The following PCDHA8 variants were observed in gnomAD, a reference collection of about 807,000 sequenced individuals.
The protein encoded by PCDHA8 is protocadherin alpha 8.
PCDHA8 carries 53 observed loss-of-function variants against 61.8 expected under a neutral mutation model. The observed-to-expected ratio is 0.86, with a 90% CI of 0.69 to 1.08. The LOEUF (loss-of-function observed/expected upper bound fraction) is 1.08. PCDHA8 is among the 50% of genes least tolerant of loss of function. PCDHA8 has a pLI of 0.00. For synonymous variants in PCDHA8, 618 were observed against 556.6 expected, an observed-to-expected ratio of 1.11 and a Z score of -1.55; for missense variants, 1,293 against 1,245.0, an observed-to-expected ratio of 1.04 and a Z score of -0.58.
At chr5:140,913,862 T>G (rs1554196081) in intron 1 of PCDHA8, among the ~76,000 whole-genome samples, 1 of 152,218 alleles carries the variant, frequency 6.6e-6, no homozygotes, top group African/African-American at 2.4e-5. Flanking sequence ...GCATATTGTT[T>G]AATTTCCATG....
intron 3 of PCDHA8, among the ~76,000 whole-genome samples, chr5:141,006,584 GA>G (rs1353712503): frequency 6.6e-6 from 1 of 152,126 alleles, no homozygotes; most frequent in Non-Finnish European, 1.5e-5. Context: ...GAGGGTTGGA[GA>G]GAAGCAAAAG....
intron 1 of PCDHA8, chr5:140,966,173 A>C (rs2095976741): frequency 5.4e-6 from 1 of 184,728 alleles, no homozygotes; most frequent in Admixed American, 6.2e-5. Context: ...TTTCCTGGGG[A>C]GCTGATAGCC....
At chr5:140,997,615 T>C (rs900460811) in intron 3 of PCDHA8, among the ~76,000 whole-genome samples, 5 of 152,096 alleles carry the variant, frequency 3.3e-5, no homozygotes, top group Non-Finnish European at 7.3e-5. Context: ...CATGACTATA[T>C]AGAGATTTTC....
rs35252606 is a variant in PCDHA8, at chr5:140,912,343, ATT to A, written c.2395-66592_2395-66591del. The stretch of plus-strand genomic sequence containing the variant: ...CTCAGTATTAACCAGTACACTAAGT[ATT>A]TTTTTTTTTTTTTGCAGCTGTTGTA... On this transcript the variant is annotated intron_variant, in intron 1 of 3. Transcript: ENST00000531613. 3.7e-3 allele frequency among the ~76,000 whole-genome samples: 528 copies of A among 143,760 alleles called. 4 individuals are homozygous for A. The highest frequency in any genetic ancestry group is 8.3e-3 in the East Asian group (41 of 4,940). 94.3% of individuals were successfully genotyped at this position (143,760 alleles called of 152,430 possible).
chr5:140,897,409 A>G (rs945260120), intron 1 of PCDHA8, among the ~76,000 whole-genome samples: 16 of 140,532 alleles, frequency 1.1e-4, no homozygotes, highest in Non-Finnish European at 1.7e-4. Flanking sequence ...TCATTGTTCA[A>G]TTCCCATCTA....
intron 1 of PCDHA8, among the ~76,000 whole-genome samples, chr5:140,921,264 T>C (rs2080129104): frequency 6.6e-6 from 1 of 152,210 alleles, no homozygotes; most frequent in Non-Finnish European, 1.5e-5. Flanking sequence ...CCTAGACTTT[T>C]ATACTTACTT....
chr5:140,962,008 C>T (rs1363169601), intron 1 of PCDHA8, among the ~76,000 whole-genome samples: 5 of 152,088 alleles, frequency 3.3e-5, no homozygotes, highest in South Asian at 2.1e-4. Context: ...CTCAGCTTCC[C>T]GAGTAGCTGG....
At chr5:140,895,897 C>T (rs994708254) in intron 1 of PCDHA8, among the ~76,000 whole-genome samples, 25 of 152,240 alleles carry the variant, frequency 1.6e-4, no homozygotes, top group African/African-American at 5.3e-4. Flanking sequence ...CTGCAACCTC[C>T]GCGTCCCGGG....
intron 1 of PCDHA8, chr5:140,860,447 A>T (rs1242809569): frequency 6.6e-6 from 1 of 152,198 alleles, no homozygotes; most frequent in East Asian, 1.9e-4. Context: ...TTTCATATTA[A>T]TTCACGTGAT....
chr5:140,895,515 G>A (rs2065042106), intron 1 of PCDHA8, among the ~76,000 whole-genome samples: 1 of 151,948 alleles, frequency 6.6e-6, no homozygotes, highest in Non-Finnish European at 1.5e-5. Flanking sequence ...ATTTTTAATT[G>A]GTTTATTCGT....
intron 1 of PCDHA8, among the ~76,000 whole-genome samples, chr5:140,913,572 TCAAA>T (rs150264547): frequency 6.6e-6 from 1 of 152,264 alleles, no homozygotes; most frequent in East Asian, 1.9e-4. Context: ...TTTCATCATT[TCAAA>T]TATATTTCTG....
At chr5:140,846,500 A>G (rs1234725783) in intron 1 of PCDHA8, among the ~76,000 whole-genome samples, 2 of 143,700 alleles carry the variant, frequency 1.4e-5, no homozygotes, top group African/African-American at 2.6e-5. Flanking sequence ...TCAGCCTCCC[A>G]AGTAGCTGGG....
rs545473160 is a variant in PCDHA8 at position 140,873,172 on chromosome 5, G to C, written c.2394+29457G>C. ...CATAGACTTTAGATCGAGAGCTTTT[G>C]TATCATAATATTCATTGGCTAAAAA... On this transcript the variant is annotated intron_variant, in intron 1 of 3. Transcript: ENST00000531613. 2.6e-5 allele frequency among the ~76,000 whole-genome samples: 4 copies of C among 152,084 alleles called. No individual in the cohort carries two copies. In the South Asian group the frequency reaches 8.3e-4, roughly 32 times the overall value.
chr5:140,994,417 T>C (rs1401833924), intron 3 of PCDHA8, among the ~76,000 whole-genome samples: 1 of 152,078 alleles, frequency 6.6e-6, no homozygotes, highest in East Asian at 1.9e-4. Context: ...ATACTGGATA[T>C]TGAGGCCGGG....
chr5:140,914,318 T>C (rs2076678777), intron 1 of PCDHA8, among the ~76,000 whole-genome samples: 6 of 152,216 alleles, frequency 3.9e-5, no homozygotes, highest in Admixed American at 3.9e-4. Flanking sequence ...CCCATTATCA[T>C]TGTACAAAGA....
intron 1 of PCDHA8, chr5:140,863,121 G>C (rs1554157790): frequency 1.7e-6 from 1 of 592,122 alleles, no homozygotes; most frequent in South Asian, 1.4e-5. Flanking sequence ...CGAAAGCTAC[G>C]CGCCACCGCC....
In PCDHA8 at chr5:140,926,298, C is replaced by G. The variant is rs1337047837; in HGVS notation, c.2395-52651C>G. 3.3e-5 allele frequency: 5 copies of G among 152,328 alleles called. No homozygotes were observed. In the East Asian group the frequency reaches 5.8e-4, roughly 18 times the overall value. The allele number at this position is 152,328 out of a possible 1,614,324, so 9.4% of individuals were successfully genotyped here. Reference sequence around the variant, plus strand: ...TCGGCAGCTCCACGCTGAGTCCCGCCCTCTCCGCCGGAGAGGTGCGCCGGG... The same window carrying G: ...TCGGCAGCTCCACGCTGAGTCCCGCGCTCTCCGCCGGAGAGGTGCGCCGGG... On this transcript the variant is annotated intron_variant, in intron 1 of 3. Coordinates refer to ENST00000531613, the MANE Select transcript of PCDHA8 (RefSeq NM_018911.3).
chr5:140,843,143 T>A lies in PCDHA8; in HGVS notation c.1822T>A (p.Ser608Thr). 6.3e-7 allele frequency: 1 copy of A among 1,595,956 alleles called. No homozygotes were observed. Among genetic ancestry groups the A allele is most frequent in the Non-Finnish European group, 8.6e-7 (1 of 1,165,538 alleles). ...DADSGYNAWL[S>T]YELQPAASSP... ...CGACTCGGGCTACAACGCGTGGCTTTCGTATGAGCTGCAGCCAGCTGCAAG... is the reference window on the plus strand; with the variant it reads ...CGACTCGGGCTACAACGCGTGGCTTACGTATGAGCTGCAGCCAGCTGCAAG... The change falls in exon 1 of 4, where the codon TCG (serine) becomes ACG (threonine). Residue 608 changes from serine to threonine, a missense_variant. Coordinates refer to ENST00000531613, the MANE Select transcript of PCDHA8 (RefSeq NM_018911.3).
In PCDHA8 at chr5:140,869,379, C is replaced by G. The variant is rs1554162987; in HGVS notation, c.2394+25664C>G. The G allele has an allele frequency of 1.9e-6, 3 of 1,614,122 alleles. No individual in the cohort carries two copies. The South Asian group carries it at 3.3e-5, about 18-fold the overall frequency. ...TGTTTGTGAATTCTCGGATCGACCG[C>G]GAGGAGCTGTGCGGGCAGAGCGCGG... On this transcript the variant is annotated intron_variant, in intron 1 of 3. Coordinates refer to ENST00000531613, the MANE Select transcript of PCDHA8 (RefSeq NM_018911.3).
Sources: gnomAD v4.1 joint callset for allele counts (sites outside exome capture counted in the v4.1 genomes callset) on GRCh38, gnomAD v4.1.1 for gene constraint, MANE v1.5 for transcripts, NCBI Gene and HGNC (gene_info 2026-07-23, HGNC 2026-07-21) for gene names.